Variants in ARHGEF10 observed in about 807,000 individuals in gnomAD.
ARHGEF10 encodes the protein Rho guanine nucleotide exchange factor (GEF) 10.
ARHGEF10 carries 140 observed loss-of-function variants against 147.4 expected under a neutral mutation model. The ratio of observed to expected loss-of-function variants is 0.95; its 90% CI spans 0.83 to 1.09. The LOEUF (loss-of-function observed/expected upper bound fraction) is 1.09. ARHGEF10 is among the 50% of genes least tolerant of loss of function. The pLI is 0.00. For synonymous variants in ARHGEF10, 902 were observed against 695.8 expected (o/e 1.30, Z -4.67); for missense variants, 2,222 against 1,752.7 (o/e 1.27, Z -4.78).
chr8:1,918,460 C>CTGTGTGTGTG lies in ARHGEF10; in HGVS notation c.2144-4468_2144-4459dup, dbSNP rs60519090. Among the ~76,000 whole-genome samples the CTGTGTGTGTG allele has an allele frequency of 3.7e-3, 528 of 140,934 alleles. 6 individuals carry two copies. The highest frequency in any genetic ancestry group is 0.012 in the African/African-American group (459 of 37,464). 92.5% of individuals were successfully genotyped at this position (140,934 alleles called of 152,430 possible). The stretch of plus-strand genomic sequence containing the variant: ...CCCATGATAGGTTCACATTTGATGG[C>CTGTGTGTGTG]TGTGTGTGTGTGTGTGTGTGTGTGT... On this transcript the variant is annotated intron_variant, in intron 18 of 28. Coordinates refer to ENST00000349830, the MANE Select transcript of ARHGEF10 (RefSeq NM_014629.4).
At position 1,864,369 on chromosome 8, in the gene ARHGEF10, G is replaced by C. The variant is rs73542439; in HGVS notation, c.482-4G>C. On this transcript the variant is annotated splice_polypyrimidine_tract_variant and splice_region_variant and intron_variant, in intron 4 of 28. Transcript: ENST00000349830. ...GCAGCATCACATATTTTCTTTCCCA[G>C]CAGAAACACCAGAAGTCACAGAAGA... 5.4e-4 allele frequency: 869 copies of C among 1,614,034 alleles called. 2 individuals are homozygous for C. The African/African-American group carries it at 9.9e-3, about 18-fold the overall frequency.
intron 25 of ARHGEF10, among the ~76,000 whole-genome samples, chr8:1,933,464 G>T (rs1585592709): frequency 6.6e-6 from 1 of 151,112 alleles, no homozygotes; most frequent in Non-Finnish European, 1.5e-5. Context: ...GCGGCTAGTG[G>T]TAGGATGGTC....
intron 25 of ARHGEF10, 107 bp from the exon 26 acceptor site, chr8:1,933,693 C>A: frequency 7.3e-7 from 1 of 1,378,714 alleles, no homozygotes; most frequent in Non-Finnish European, 1.0e-6. Context: ...ATTAACATTA[C>A]AGGTGATCCT....
At chr8:1,870,809 C>G (rs2129096254) in intron 7 of ARHGEF10, 1 of 152,166 alleles carries the variant, frequency 6.6e-6, no homozygotes, top group South Asian at 2.1e-4. Context: ...TTGACAGATC[C>G]TGGACATAAA....
At chr8:1,866,468 A>G in intron 5 of ARHGEF10, 58 bp from the exon 6 acceptor site, 1 of 1,502,316 alleles carries the variant, frequency 6.7e-7, no homozygotes, top group Admixed American at 1.7e-5. Context: ...GGCAGTTGGC[A>G]TCCTAGTGAC....
In ARHGEF10 at chr8:1,885,615, C is replaced by T. The variant is rs767997870; in HGVS notation, c.1090C>T (p.Leu364Phe). Residue 364 changes from leucine to phenylalanine, a missense_variant, in exon 11 of 29, where the codon CTT becomes TTT. Coordinates refer to ENST00000349830, the MANE Select transcript of ARHGEF10 (RefSeq NM_014629.4). Reference protein sequence around the residue: ...SLIAQDHRSSLEEEQNLFIDV... With the variant: ...SLIAQDHRSSFEEEQNLFIDV... ...TTTTTTTTAAGATCACAGATCTTCTCTTGAGGAAGAACAGAATTTGTTCAT... is the reference window on the plus strand; with the variant it reads ...TTTTTTTTAAGATCACAGATCTTCTTTTGAGGAAGAACAGAATTTGTTCAT... The T allele has an allele frequency of 6.8e-6, 11 of 1,613,176 alleles. No homozygotes were observed. The Admixed American group carries it at 1.3e-4, about 20-fold the overall frequency.
At chr8:1,876,984 C>A (rs1193312284) in intron 8 of ARHGEF10, among the ~76,000 whole-genome samples, 2 of 152,200 alleles carry the variant, frequency 1.3e-5, no homozygotes, top group South Asian at 2.1e-4. Flanking sequence ...GAGCTCACCA[C>A]CTTGAATAAG....
intron 6 of ARHGEF10, 125 bp from the exon 7 acceptor site, chr8:1,869,069 A>C (rs924214285): frequency 2.4e-5 from 21 of 862,342 alleles, no homozygotes; most frequent in Middle Eastern, 2.9e-4. Context: ...ATAAAAAAAA[A>C]ACTACCCTTA....
intron 1 of ARHGEF10, among the ~76,000 whole-genome samples, chr8:1,830,901 C>A (rs1050612067): frequency 3.3e-5 from 5 of 152,370 alleles, no homozygotes; most frequent in African/African-American, 1.2e-4. Context: ...GAGAGATGAG[C>A]TGAGCCCACG....
intron 26 of ARHGEF10, among the ~76,000 whole-genome samples, chr8:1,941,191 A>G (rs1814063260): frequency 6.6e-6 from 1 of 152,244 alleles, no homozygotes; most frequent in Non-Finnish European, 1.5e-5. Context: ...TGCATATGAT[A>G]TCCTCTTGTA....
intron 18 of ARHGEF10, among the ~76,000 whole-genome samples, chr8:1,912,393 G>A (rs1585510073): frequency 2.0e-5 from 3 of 152,058 alleles, no homozygotes; most frequent in South Asian, 4.2e-4. Flanking sequence ...ATGTGCATTT[G>A]CTGTGTGGTG....
chr8:1,840,523 T>A (rs1186179271), intron 1 of ARHGEF10, among the ~76,000 whole-genome samples: 1 of 148,542 alleles, frequency 6.7e-6, no homozygotes, highest in Non-Finnish European at 1.5e-5. Context: ...GTGTGGAATC[T>A]GTCCGGTGTG....
chr8:1,929,713 T>C (rs1812968171), intron 25 of ARHGEF10, among the ~76,000 whole-genome samples: 1 of 152,146 alleles, frequency 6.6e-6, no homozygotes. Flanking sequence ...CCCCCTCGGA[T>C]GGGGGCACCG....
rs1813169134 is a variant in ARHGEF10, at chr8:1,931,792, G to A, written c.3080-2008G>A. On this transcript the variant is annotated intron_variant, in intron 25 of 28. Coordinates refer to ENST00000349830, the MANE Select transcript of ARHGEF10 (RefSeq NM_014629.4). The stretch of plus-strand genomic sequence containing the variant: ...ACGTCATTAGCGTGTGCCTGGTTCC[G>A]GCTGCGATTTGGGATCCTGCTGAGG... Among the ~76,000 whole-genome samples, 5 of 26,270 alleles carry A rather than the reference G, an allele frequency of 1.9e-4. No individual in the cohort carries two copies. In the South Asian group the frequency reaches 0.042, roughly 219 times the overall value. 17.2% of individuals were successfully genotyped at this position (26,270 alleles called of 152,430 possible).
At chr8:1,936,995 C>T (rs1308629133) in intron 26 of ARHGEF10, among the ~76,000 whole-genome samples, 1 of 152,120 alleles carries the variant, frequency 6.6e-6, no homozygotes, top group South Asian at 2.1e-4. Flanking sequence ...GACCTGGGTC[C>T]TGAGCCTCCT....
chr8:1,951,640 C>T (rs1156290355), intron 27 of ARHGEF10, among the ~76,000 whole-genome samples: 6 of 152,180 alleles, frequency 3.9e-5, no homozygotes, highest in Admixed American at 3.9e-4. Context: ...GCTTTTATAT[C>T]TACAGAAAAG....
chr8:1,873,035 G>C (rs1183399711), intron 7 of ARHGEF10, among the ~76,000 whole-genome samples: 2 of 152,244 alleles, frequency 1.3e-5, no homozygotes, highest in Non-Finnish European at 2.9e-5. Context: ...TGACTCAGAA[G>C]CCAACACACT....
chr8:1,953,228 G>A lies in ARHGEF10; in HGVS notation c.3520+401G>A, dbSNP rs1488259649. The stretch of plus-strand genomic sequence containing the variant: ...TGTGAAGAAGGAAGCCGGGATCTCC[G>A]TCGTTCCTTTCTGTATTTTATATTG... On this transcript the variant is annotated intron_variant, in intron 28 of 28. Coordinates refer to ENST00000349830, the MANE Select transcript of ARHGEF10 (RefSeq NM_014629.4). Among the ~76,000 whole-genome samples the A allele has an allele frequency of 4.0e-5, 5 of 123,512 alleles. 1 individual carries two copies. The highest frequency in any genetic ancestry group is 8.2e-5 in the Non-Finnish European group (5 of 60,644). The allele number at this position is 123,512 out of a possible 152,430, so 81.0% of individuals were successfully genotyped here. A position where few individuals can be genotyped will look rare whatever the true frequency, so the allele number is the denominator to read the frequency against.
At chr8:1,868,805 A>G (rs892993519) in intron 6 of ARHGEF10, among the ~76,000 whole-genome samples, 2 of 152,192 alleles carry the variant, frequency 1.3e-5, no homozygotes, top group Non-Finnish European at 2.9e-5. Context: ...CGTCAACTTC[A>G]TAAGCTTAAA....
Sources: gnomAD v4.1 joint callset for allele counts (sites outside exome capture counted in the v4.1 genomes callset) on GRCh38, gnomAD v4.1.1 for gene constraint, MANE v1.5 for transcripts, NCBI Gene and HGNC (gene_info 2026-07-23, HGNC 2026-07-21) for gene names.